Variants in DACH1 observed in about 807,000 individuals in gnomAD.
DACH1 encodes the protein dachshund family transcription factor 1, also known as dachshund homolog 1.
In DACH1, 12 loss-of-function variants were observed where a neutral mutation model predicts 54.2. That is an observed-to-expected ratio of 0.22 (90% CI 0.14 to 0.36). The LOEUF is 0.36. Among genes scored for constraint, DACH1 ranks in the 10% least tolerant of loss-of-function variants. The probability of loss-of-function intolerance (pLI) is 1.00; values close to 1 mark genes in which losing one functional copy is unlikely to be tolerated. For synonymous variants in DACH1, 386 were observed against 366.2 expected (o/e 1.05, Z -0.62); for missense variants, 805 against 929.8 (o/e 0.87, Z 1.75).
intron 10 of DACH1, among the ~76,000 whole-genome samples, chr13:71,443,615 A>C (rs1448102583): frequency 6.6e-6 from 1 of 152,190 alleles, no homozygotes; most frequent in African/African-American, 2.4e-5. Flanking sequence ...CAGTGAAAAC[A>C]TGTATTTAAT....
chr13:71,656,840 TGATA>T (rs1230412819), intron 2 of DACH1, among the ~76,000 whole-genome samples: 2 of 143,014 alleles, frequency 1.4e-5, no homozygotes, highest in Non-Finnish European at 3.0e-5. Flanking sequence ...ACAGATAGAT[TGATA>T]GACAGATATA....
intron 6 of DACH1, among the ~76,000 whole-genome samples, chr13:71,541,141 T>C (rs987990491): frequency 4.6e-5 from 7 of 151,992 alleles, no homozygotes; most frequent in Middle Eastern, 3.4e-3. Context: ...TCCTTATGGA[T>C]AATGAAGTTC....
At chr13:71,462,930 C>T (rs977091821) in intron 10 of DACH1, among the ~76,000 whole-genome samples, 1 of 150,086 alleles carries the variant, frequency 6.7e-6, no homozygotes, top group Non-Finnish European at 1.5e-5. Flanking sequence ...ACCATGAATA[C>T]ATATGCGTGT....
At chr13:71,519,020 C>T (rs1161186326) in intron 6 of DACH1, among the ~76,000 whole-genome samples, 1 of 151,886 alleles carries the variant, frequency 6.6e-6, no homozygotes, top group Non-Finnish European at 1.5e-5. Flanking sequence ...CATCTGGTTT[C>T]TCACTACAAC....
Position 71,589,647 on chromosome 13 carries a change from C to T in DACH1, c.1127-16635G>A, listed in dbSNP as rs73521272. 6.0e-3 allele frequency among the ~76,000 whole-genome samples: 915 copies of T among 151,850 alleles called. 10 individuals carry two copies. Among genetic ancestry groups the T allele is most frequent in the African/African-American group, 0.021 (870 of 41,484 alleles). On this transcript the variant is annotated intron_variant, in intron 3 of 10. Transcript: ENST00000613252. ...CAGTTTGGGGATATAGCTTTAAATT[C>T]ATTGATATTGACGTTTTGATTCACC...
At chr13:71,570,478 T>C (rs1182346245) in intron 4 of DACH1, among the ~76,000 whole-genome samples, 1 of 152,220 alleles carries the variant, frequency 6.6e-6, no homozygotes, top group African/African-American at 2.4e-5. Flanking sequence ...TTTTACTTTT[T>C]GTAATCATTC....
intron 3 of DACH1, among the ~76,000 whole-genome samples, chr13:71,592,511 A>AAAG (rs1555299228): frequency 1.3e-5 from 2 of 149,410 alleles, no homozygotes; most frequent in African/African-American, 4.9e-5. Context: ...AAAAAAAAAA[A>AAAG]AAAAAAGAAA....
intron 2 of DACH1, among the ~76,000 whole-genome samples, chr13:71,637,844 G>A (rs988338044): frequency 2.0e-5 from 3 of 151,992 alleles, no homozygotes; most frequent in South Asian, 2.1e-4. Flanking sequence ...GATTACAATT[G>A]TAGATTATAG....
At chr13:71,779,147 A>G (rs1377825438) in intron 1 of DACH1, among the ~76,000 whole-genome samples, 1 of 135,302 alleles carries the variant, frequency 7.4e-6, no homozygotes, top group Non-Finnish European at 1.6e-5. Flanking sequence ...ACACATATAT[A>G]CACATATATA....
At chr13:71,446,743 G>T (rs1275967633) in intron 10 of DACH1, among the ~76,000 whole-genome samples, 3 of 152,182 alleles carry the variant, frequency 2.0e-5, no homozygotes, top group Admixed American at 1.3e-4. Flanking sequence ...CTGCCTTGTG[G>T]ATCTGCTCTT....
chr13:71,534,791 C>T (rs1049115078), intron 6 of DACH1, among the ~76,000 whole-genome samples: 1 of 151,712 alleles, frequency 6.6e-6, no homozygotes, highest in African/African-American at 2.4e-5. Flanking sequence ...TATAACTCAT[C>T]TTTAGTGGTG....
chr13:71,439,173 C>T lies in DACH1; in HGVS notation c.*1482G>A, dbSNP rs551602278. ...TGTTTTGTGGTAATAAATAATGTTA[C>T]GATCATACAATTTTAAGATGACAGA... On this transcript the variant is annotated 3_prime_UTR_variant, in exon 11 of 11. Coordinates refer to ENST00000613252, the MANE Select transcript of DACH1 (RefSeq NM_080759.6). 2 of 152,320 alleles carry T rather than the reference C, an allele frequency of 1.3e-5. No individual in the cohort carries two copies. Among genetic ancestry groups the T allele is most frequent in the Non-Finnish European group, 2.9e-5 (2 of 67,898 alleles). 9.4% of individuals were successfully genotyped at this position (152,320 alleles called of 1,614,324 possible).
rs551006735 is a variant in DACH1, at chr13:71,639,488, A to AT, written c.965-8772dup. Among the ~76,000 whole-genome samples, 62 of 152,236 alleles carry AT rather than the reference A, an allele frequency of 4.1e-4. 1 individual carries two copies. The highest frequency in any genetic ancestry group is 1.5e-3 in the African/African-American group (61 of 41,570). Reference sequence around the variant, plus strand: ...TGAGTCTTTCAACTGATTGAATTAGATTTTTTAAATGTTTGTACTAACAAC... The same window carrying AT: ...TGAGTCTTTCAACTGATTGAATTAGATTTTTTTAAATGTTTGTACTAACAAC... On this transcript the variant is annotated intron_variant, in intron 2 of 10. Coordinates refer to ENST00000613252, the MANE Select transcript of DACH1 (RefSeq NM_080759.6).
intron 6 of DACH1, among the ~76,000 whole-genome samples, chr13:71,528,119 T>C (rs2138297911): frequency 6.6e-6 from 1 of 152,294 alleles, no homozygotes; most frequent in South Asian, 2.1e-4. Flanking sequence ...CAATTAGTTT[T>C]CAAGCAGATT....
chr13:71,504,124 A>G (rs1809095738), intron 6 of DACH1, among the ~76,000 whole-genome samples: 1 of 152,166 alleles, frequency 6.6e-6, no homozygotes, highest in Admixed American at 6.6e-5. Context: ...AGCACAGAAA[A>G]GAGATGACGT....
intron 10 of DACH1, among the ~76,000 whole-genome samples, chr13:71,469,322 G>T (rs910587285): frequency 1.3e-5 from 2 of 151,858 alleles, no homozygotes; most frequent in Non-Finnish European, 2.9e-5. Context: ...TGTATTACTA[G>T]GAAATTCATT....
intron 2 of DACH1, among the ~76,000 whole-genome samples, chr13:71,647,510 T>C (rs550208371): frequency 3.3e-5 from 5 of 152,356 alleles, no homozygotes; most frequent in South Asian, 2.1e-4. Flanking sequence ...GATTATGCTA[T>C]ATGTTTCTTT....
chr13:71,527,072 C>CACTTTTTTTTTTAAATGTGTATTTAA (rs1882021156), intron 6 of DACH1, among the ~76,000 whole-genome samples: 1 of 151,742 alleles, frequency 6.6e-6, no homozygotes, highest in African/African-American at 2.4e-5. Flanking sequence ...TATAAATTTT[C>CACTTTTTTTTTTAAATGTGTATTTAA]ATGTGTATTT....
intron 1 of DACH1, among the ~76,000 whole-genome samples, chr13:71,695,289 T>C (rs1881763989): frequency 1.3e-5 from 2 of 152,180 alleles, no homozygotes; most frequent in African/African-American, 4.8e-5. Context: ...ACATTATTAG[T>C]GCACAGACAT....
Sources: allele counts gnomAD v4.1 joint callset (sites outside exome capture counted in the v4.1 genomes callset), GRCh38; gene constraint gnomAD v4.1.1; transcripts MANE v1.5; gene names NCBI Gene and HGNC (gene_info 2026-07-23, HGNC 2026-07-21).